The following COL14A1 variants were observed in gnomAD, a reference collection of about 807,000 sequenced individuals.
The protein encoded by COL14A1 is collagen alpha-1(XIV) chain.
Under a neutral mutation model 230.3 loss-of-function variants are expected in COL14A1, and 136 were observed. The ratio of observed to expected loss-of-function variants is 0.59; its 90% CI spans 0.51 to 0.68. The LOEUF (loss-of-function observed/expected upper bound fraction) is 0.68, where lower values mean the gene tolerates loss of function less well. COL14A1 is among the 30% of genes least tolerant of loss of function. The probability of loss-of-function intolerance (pLI) is 0.00; values close to 1 mark genes in which losing one functional copy is unlikely to be tolerated. For synonymous variants in COL14A1, 792 were observed against 784.1 expected, an observed-to-expected ratio of 1.01 and a Z score of -0.17; for missense variants, 1,976 against 2,215.8, an observed-to-expected ratio of 0.89 and a Z score of 2.17.
At chr8:120,193,526 C>T (rs1410580804) in intron 5 of COL14A1, among the ~76,000 whole-genome samples, 1 of 152,208 alleles carries the variant, frequency 6.6e-6, no homozygotes, top group African/African-American at 2.4e-5. Context: ...AGGCAGTCTG[C>T]TCGTTCTCAG....
chr8:120,140,443 C>G (rs932839664), intron 1 of COL14A1, among the ~76,000 whole-genome samples: 3 of 151,910 alleles, frequency 2.0e-5, no homozygotes, highest in African/African-American at 7.3e-5. Flanking sequence ...TAGTAGGACT[C>G]TTAATAAATG....
intron 45 of COL14A1, among the ~76,000 whole-genome samples, chr8:120,347,737 C>T (rs1024306709): frequency 3.3e-5 from 5 of 152,144 alleles, no homozygotes; most frequent in Admixed American, 2.0e-4. Context: ...TCAAAGTCAG[C>T]CAACATCAAG....
intron 5 of COL14A1, among the ~76,000 whole-genome samples, chr8:120,191,006 C>T (rs1796034023): frequency 6.8e-6 from 1 of 146,734 alleles, no homozygotes; most frequent in African/African-American, 2.5e-5. Context: ...CTCCTGGATT[C>T]ATTAATTTTT....
intron 25 of COL14A1, among the ~76,000 whole-genome samples, chr8:120,269,127 C>T (rs1819584051): frequency 6.6e-6 from 1 of 151,686 alleles, no homozygotes; most frequent in African/African-American, 2.4e-5. Flanking sequence ...GAGAAAGGCA[C>T]ATTATCTCAT....
intron 45 of COL14A1, among the ~76,000 whole-genome samples, chr8:120,357,213 T>C (rs528586836): frequency 6.6e-6 from 1 of 152,282 alleles, no homozygotes; most frequent in Admixed American, 6.5e-5. Context: ...CAATATGTCA[T>C]TTAGGAGGCC....
intron 20 of COL14A1, among the ~76,000 whole-genome samples, chr8:120,244,456 T>A (rs2130852883): frequency 6.6e-6 from 1 of 152,248 alleles, no homozygotes; most frequent in African/African-American, 2.4e-5. Flanking sequence ...TCTTTAGTGG[T>A]GATTTGTGAT....
intron 45 of COL14A1, among the ~76,000 whole-genome samples, chr8:120,357,555 G>C (rs775254794): frequency 6.6e-6 from 1 of 152,116 alleles, no homozygotes; most frequent in Admixed American, 6.5e-5. Flanking sequence ...GAGGAATTCG[G>C]CTGTACACTT....
chr8:120,126,322 G>C (rs1292000848), intron 1 of COL14A1, among the ~76,000 whole-genome samples: 1 of 152,230 alleles, frequency 6.6e-6, no homozygotes, highest in African/African-American at 2.4e-5. Context: ...CTGTGGCTCA[G>C]GGTTGCTCTG....
intron 5 of COL14A1, among the ~76,000 whole-genome samples, chr8:120,172,724 T>G (rs1490313785): frequency 6.6e-6 from 1 of 152,212 alleles, no homozygotes; most frequent in Non-Finnish European, 1.5e-5. Context: ...CAACTTTCCT[T>G]GTCATCTCCC....
At chr8:120,239,996 G>A (rs746362364) in intron 19 of COL14A1, among the ~76,000 whole-genome samples, 1 of 151,792 alleles carries the variant, frequency 6.6e-6, no homozygotes, top group African/African-American at 2.4e-5. Context: ...ACTTTGGGTT[G>A]TCTCTAGATA....
At chr8:120,180,021 C>A (rs932490876) in intron 5 of COL14A1, among the ~76,000 whole-genome samples, 2 of 152,140 alleles carry the variant, frequency 1.3e-5, no homozygotes, top group African/African-American at 4.8e-5. Flanking sequence ...GGACCCCTTC[C>A]TTACACCTTA....
At chr8:120,240,689 G>A (rs564953133) in intron 19 of COL14A1, among the ~76,000 whole-genome samples, 1 of 152,256 alleles carries the variant, frequency 6.6e-6, no homozygotes, top group South Asian at 2.1e-4. Context: ...GTATGTATAT[G>A]TTATACACTG....
chr8:120,140,958 C>T (rs564596492), intron 1 of COL14A1, among the ~76,000 whole-genome samples: 2 of 152,160 alleles, frequency 1.3e-5, no homozygotes, highest in East Asian at 1.9e-4. Context: ...TTATACCTTC[C>T]GAATAGAGAA....
At chr8:120,223,942 C>T (rs574019934) in intron 14 of COL14A1, among the ~76,000 whole-genome samples, 9 of 151,348 alleles carry the variant, frequency 5.9e-5, no homozygotes, top group African/African-American at 1.7e-4. Context: ...GCTGCAGCCC[C>T]GTGCCCAACA....
At chr8:120,305,119 C>G (rs6469906) in intron 36 of COL14A1, among the ~76,000 whole-genome samples, 1 of 151,314 alleles carries the variant, frequency 6.6e-6, no homozygotes, top group African/African-American at 2.4e-5. Context: ...GCTGGGATTA[C>G]AGGCATGTGC....
intron 40 of COL14A1, among the ~76,000 whole-genome samples, chr8:120,324,676 A>T (rs7001798): frequency 6.6e-6 from 1 of 151,902 alleles, no homozygotes; most frequent in Non-Finnish European, 1.5e-5. Context: ...TCCCACTCTA[A>T]CCGAGAGTGT....
intron 5 of COL14A1, among the ~76,000 whole-genome samples, chr8:120,195,288 CTTCTGTAT>C (rs1279274857): frequency 1.3e-5 from 2 of 151,956 alleles, no homozygotes; most frequent in Non-Finnish European, 2.9e-5. Flanking sequence ...TTTATGAATA[CTTCTGTAT>C]TTTGGTTTTC....
At chr8:120,354,648 T>A (rs1822914590) in intron 45 of COL14A1, among the ~76,000 whole-genome samples, 1 of 152,190 alleles carries the variant, frequency 6.6e-6, no homozygotes, top group Non-Finnish European at 1.5e-5. Context: ...AAAGTCTTTT[T>A]CGTAAGTTTG....
rs1237407910 is a variant in COL14A1, at chr8:120,131,832, T to A, written c.-38+6492T>A. 2.8e-5 allele frequency among the ~76,000 whole-genome samples: 4 copies of A among 144,914 alleles called. No homozygotes were observed. The East Asian group carries it at 8.1e-4, about 30-fold the overall frequency. On this transcript the variant is annotated intron_variant, in intron 1 of 47. Coordinates refer to ENST00000297848, the MANE Select transcript of COL14A1 (RefSeq NM_021110.4). Reference sequence around the variant, plus strand: ...TTGCTAGGTTTTCTTCCTTTTTTCTTCCTTTCTTTTTTTTTTTTTTTTTTT... The same window carrying A: ...TTGCTAGGTTTTCTTCCTTTTTTCTACCTTTCTTTTTTTTTTTTTTTTTTT...
Sources: allele counts gnomAD v4.1 joint callset (sites outside exome capture counted in the v4.1 genomes callset), GRCh38; gene constraint gnomAD v4.1.1; transcripts MANE v1.5; gene names NCBI Gene and HGNC (gene_info 2026-07-23, HGNC 2026-07-21).